The following NHSL3 variants were observed in gnomAD, a reference collection of about 807,000 sequenced individuals.
NHSL3 encodes the protein NHS like 3, also known as NHS-like protein 3.
chr1:32,771,791 G>C, the NHSL3 span: 2 of 1,613,356 alleles, frequency 1.2e-6, no homozygotes, highest in Non-Finnish European at 1.7e-6. Flanking sequence ...GGGCCTCCCA[G>C]GGAGGACGTA....
the NHSL3 span, chr1:32,754,313 C>T: frequency 1.0e-5 from 6 of 576,090 alleles, no homozygotes; most frequent in East Asian, 2.0e-4. Context: ...GCAGACCCCA[C>T]CCCTCACAGG....
At chr1:32,765,815 T>C in the NHSL3 span, 3 of 1,547,038 alleles carry the variant, frequency 1.9e-6, no homozygotes, top group Non-Finnish European at 2.6e-6. Context: ...CCTAGGGCTG[T>C]TTAAGAAGAA....
the NHSL3 span, chr1:32,767,722 A>G: frequency 1 from 1,427,624 of 1,431,630 alleles, 711,904 homozygotes; most frequent in East Asian, 1. Context: ...CCTTGCCGTG[A>G]GACCTGTGCC....
chr1:32,762,270 G>A, the NHSL3 span, among the ~76,000 whole-genome samples: 1 of 152,068 alleles, frequency 6.6e-6, no homozygotes, highest in South Asian at 2.1e-4. Flanking sequence ...TTGCTTGGGA[G>A]CCTCTGTGAA....
At chr1:32,750,452 GT>G in the NHSL3 span, among the ~76,000 whole-genome samples, 1 of 152,178 alleles carries the variant, frequency 6.6e-6, no homozygotes, top group African/African-American at 2.4e-5. Flanking sequence ...GAGGCCTCCT[GT>G]CTGCTTAGGA....
the NHSL3 span, chr1:32,772,481 G>A: frequency 6.6e-7 from 1 of 1,506,118 alleles, no homozygotes; most frequent in Non-Finnish European, 8.9e-7. Flanking sequence ...CATTGCTGAT[G>A]ATGGGAAGTA....
the NHSL3 span, among the ~76,000 whole-genome samples, chr1:32,767,569 T>G: frequency 6.6e-6 from 1 of 152,112 alleles, no homozygotes; most frequent in Non-Finnish European, 1.5e-5. Flanking sequence ...CTCAGATTTA[T>G]GTACACTTGG....
At chr1:32,766,136 G>GTCAA in the NHSL3 span, among the ~76,000 whole-genome samples, 2 of 152,096 alleles carry the variant, frequency 1.3e-5, no homozygotes, top group African/African-American at 4.8e-5. Flanking sequence ...TCCCAGTCAA[G>GTCAA]ATGTACTAGC....
the NHSL3 span, among the ~76,000 whole-genome samples, chr1:32,761,661 C>T: frequency 6.6e-6 from 1 of 152,248 alleles, no homozygotes; most frequent in Non-Finnish European, 1.5e-5. Context: ...CCTTCCAGTA[C>T]CTGCCTCGAA....
chr1:32,769,916 G>C, the NHSL3 span: 1 of 1,607,958 alleles, frequency 6.2e-7, no homozygotes, highest in Non-Finnish European at 8.5e-7. Context: ...GGCACGCCCC[G>C]GGCTCCTGGT....
At chr1:32,762,775 A>G in the NHSL3 span, among the ~76,000 whole-genome samples, 8 of 152,100 alleles carry the variant, frequency 5.3e-5, 1 homozygote, top group African/African-American at 1.9e-4. Flanking sequence ...TTTTTAGTAG[A>G]GACGGGCTTT....
At chr1:32,770,934 G>C in the NHSL3 span, 4 of 1,610,852 alleles carry the variant, frequency 2.5e-6, no homozygotes, top group Non-Finnish European at 3.4e-6. This position sits in a 1 kb window ranked among gnomAD's most constrained non-coding sequence, Gnocchi z 8.3. Flanking sequence ...GTGGATACTC[G>C]AGCCAAAGTG....
At chr1:32,758,647 G>A in the NHSL3 span, among the ~76,000 whole-genome samples, 1 of 151,982 alleles carries the variant, frequency 6.6e-6, no homozygotes, top group Non-Finnish European at 1.5e-5. Context: ...TGCTGCCCCA[G>A]GCCCCGACTC....
chr1:32,752,650 T>C, the NHSL3 span, among the ~76,000 whole-genome samples: 3 of 152,048 alleles, frequency 2.0e-5, no homozygotes, highest in African/African-American at 7.2e-5. Context: ...TGATCTTGGC[T>C]CACTGCAACC....
the NHSL3 span, among the ~76,000 whole-genome samples, chr1:32,743,634 T>C: frequency 5.3e-5 from 8 of 152,224 alleles, no homozygotes; most frequent in Non-Finnish European, 1.2e-4. Context: ...GGCAGAAGGC[T>C]AGTGGACTAG....
chr1:32,769,444 AAT>A, the NHSL3 span, among the ~76,000 whole-genome samples: 9 of 152,290 alleles, frequency 5.9e-5, no homozygotes, highest in South Asian at 8.3e-4. Flanking sequence ...AACACGTAAT[AAT>A]ATGTTTACTA....
At chr1:32,770,435 C>A in the NHSL3 span, 1 of 1,607,934 alleles carries the variant, frequency 6.2e-7, no homozygotes. This position sits in a 1 kb window ranked among gnomAD's most constrained non-coding sequence, Gnocchi z 8.3. Context: ...TGGAGCCACT[C>A]TCAATCCTCC....
At chr1:32,742,000 G>C in the NHSL3 span, 1 of 1,212,138 alleles carries the variant, frequency 8.2e-7, no homozygotes, top group Non-Finnish European at 1.0e-6. The surrounding 1 kb of genome is among the most constrained non-coding windows in gnomAD (Gnocchi z 4.3). Context: ...CGAGGAGCCG[G>C]GGAACCCGGG....
the NHSL3 span, chr1:32,770,871 G>A: frequency 8.1e-6 from 13 of 1,608,774 alleles, no homozygotes; most frequent in Admixed American, 8.3e-5. This position sits in a 1 kb window ranked among gnomAD's most constrained non-coding sequence, Gnocchi z 8.3. Flanking sequence ...GCTTGTCTCC[G>A]GGTGGTTCCC....
Sources: allele counts gnomAD v4.1 joint callset (sites outside exome capture counted in the v4.1 genomes callset), GRCh38; gene constraint gnomAD v4.1.1; non-coding constraint Gnocchi (gnomAD v3.1); transcripts MANE v1.5; gene names NCBI Gene and HGNC (gene_info 2026-07-23, HGNC 2026-07-21).